Variants in SNRPD1 observed in about 807,000 individuals in gnomAD.
The protein encoded by SNRPD1 is small nuclear ribonucleoprotein D1 polypeptide.
A neutral mutation model predicts 14.4 loss-of-function variants in SNRPD1; 1 was observed. The observed-to-expected ratio is 0.07, with a 90% CI of 0.02 to 0.33. SNRPD1 has a LOEUF of 0.33. SNRPD1 is among the 10% of genes least tolerant of loss of function. The pLI, the probability that SNRPD1 is intolerant of heterozygous loss-of-function variation, is 1.00. For synonymous variants in SNRPD1, 42 were observed against 50.3 expected, an observed-to-expected ratio of 0.83 and a Z score of 0.70; for missense variants, 52 against 146.4, an observed-to-expected ratio of 0.36 and a Z score of 3.33.
chr18:21,612,702 A>G (rs1490994958), intron 1 of SNRPD1, among the ~76,000 whole-genome samples: 1 of 152,256 alleles, frequency 6.6e-6, no homozygotes, highest in Non-Finnish European at 1.5e-5. Flanking sequence ...GGCTTTAAAG[A>G]TGCAGCGCCT....
intron 2 of SNRPD1, 125 bp from the exon 3 acceptor site, chr18:21,623,623 G>A (rs1312898158): frequency 1.5e-6 from 1 of 689,440 alleles, no homozygotes; most frequent in African/African-American, 1.8e-5. Context: ...TTGTGTCATA[G>A]AAAACTTGCA....
At chr18:21,619,383 T>C (rs1257285660) in intron 1 of SNRPD1, among the ~76,000 whole-genome samples, 1 of 151,972 alleles carries the variant, frequency 6.6e-6, no homozygotes, top group Admixed American at 6.6e-5. Context: ...GGTTTCGCCA[T>C]GTTGGCCAGG....
chr18:21,621,533 T>C (rs545405503), intron 1 of SNRPD1, among the ~76,000 whole-genome samples: 1 of 152,256 alleles, frequency 6.6e-6, no homozygotes, highest in South Asian at 2.1e-4. Flanking sequence ...TCCAAGTAGC[T>C]GGGATTACAG....
rs1453303960 is a variant in SNRPD1, at chr18:21,630,460, C to T, written c.*1322C>T. On this transcript the variant is annotated 3_prime_UTR_variant, in exon 4 of 4. Transcript: ENST00000300413. ...AAGTAAAGAAATTTTCTGCAAAGAT[C>T]GTTACCTTAAAAAAGTTTAGCCTGG... 3.3e-5 allele frequency: 5 copies of T among 150,954 alleles called. No homozygotes were observed. The highest frequency in any genetic ancestry group is 7.3e-5 in the African/African-American group (3 of 41,072). The allele number at this position is 150,954 out of a possible 1,614,324, so 9.4% of individuals were successfully genotyped here. A position where few individuals can be genotyped will look rare whatever the true frequency, so the allele number is the denominator to read the frequency against.
intron 3 of SNRPD1, among the ~76,000 whole-genome samples, chr18:21,625,691 A>T (rs986480020): frequency 1.4e-4 from 21 of 152,072 alleles, no homozygotes; most frequent in African/African-American, 4.3e-4. Flanking sequence ...GCTCACTGCA[A>T]GCTCCGCTTC....
chr18:21,616,055 G>A (rs1160973513), intron 1 of SNRPD1, among the ~76,000 whole-genome samples: 2 of 152,110 alleles, frequency 1.3e-5, no homozygotes, highest in African/African-American at 4.8e-5. Context: ...GCATGATCTT[G>A]GTTCACTGCA....
intron 2 of SNRPD1, 56 bp downstream of exon 2, chr18:21,622,857 G>C: frequency 2.4e-6 from 2 of 846,254 alleles, no homozygotes; most frequent in Admixed American, 4.2e-5. Flanking sequence ...TACCTAGCCA[G>C]AGTTTATTTT....
chr18:21,616,122 A>G (rs1429503404), intron 1 of SNRPD1, among the ~76,000 whole-genome samples: 1 of 152,216 alleles, frequency 6.6e-6, no homozygotes, highest in East Asian at 1.9e-4. Flanking sequence ...AGTAGCTGGG[A>G]CTACAGGCGC....
At chr18:21,624,133 C>T (rs1477616092) in intron 3 of SNRPD1, among the ~76,000 whole-genome samples, 194 bp downstream of exon 3, 2 of 152,190 alleles carry the variant, frequency 1.3e-5, no homozygotes, top group East Asian at 3.8e-4. Flanking sequence ...ATAATCCCAG[C>T]ACTTTGGGAG....
intron 1 of SNRPD1, among the ~76,000 whole-genome samples, chr18:21,615,649 G>A (rs2038952010): frequency 6.6e-6 from 1 of 151,882 alleles, no homozygotes; most frequent in Non-Finnish European, 1.5e-5. Flanking sequence ...AAAAAGCTCC[G>A]TATTTTAAAA....
intron 3 of SNRPD1, among the ~76,000 whole-genome samples, chr18:21,625,450 G>C (rs2039030635): frequency 6.6e-6 from 1 of 150,640 alleles, no homozygotes; most frequent in Admixed American, 6.7e-5. Flanking sequence ...CCAAGTAGCT[G>C]GGATTATAGG....
chr18:21,625,594 G>T (rs1049310823), intron 3 of SNRPD1, among the ~76,000 whole-genome samples: 2 of 151,732 alleles, frequency 1.3e-5, no homozygotes, highest in African/African-American at 4.8e-5. Flanking sequence ...GGGATTACAG[G>T]CAGGAACCAC....
At chr18:21,615,032 C>T (rs1347488932) in intron 1 of SNRPD1, among the ~76,000 whole-genome samples, 1 of 151,994 alleles carries the variant, frequency 6.6e-6, no homozygotes, top group Non-Finnish European at 1.5e-5. Flanking sequence ...AAAATGTAAA[C>T]ACTTTTGTAA....
intron 3 of SNRPD1, among the ~76,000 whole-genome samples, chr18:21,625,901 G>A (rs906648494): frequency 3.0e-4 from 46 of 152,118 alleles, no homozygotes; most frequent in Non-Finnish European, 4.6e-4. Context: ...GAGCCACGGT[G>A]CCTGGCCCAA....
intron 2 of SNRPD1, 134 bp downstream of exon 2, chr18:21,622,935 T>A: frequency 1.9e-6 from 1 of 519,372 alleles, no homozygotes; most frequent in Non-Finnish European, 3.4e-6. Flanking sequence ...TGTAATTTTT[T>A]TTTTTTTTTT....
intron 1 of SNRPD1, among the ~76,000 whole-genome samples, chr18:21,619,793 A>G (rs1350844630): frequency 6.6e-6 from 1 of 151,866 alleles, no homozygotes; most frequent in Non-Finnish European, 1.5e-5. Context: ...AAAAAATAGA[A>G]TTTTAAAAAA....
chr18:21,621,167 C>CAA (rs147493654), intron 1 of SNRPD1, among the ~76,000 whole-genome samples: 56 of 146,136 alleles, frequency 3.8e-4, no homozygotes, highest in Non-Finnish European at 5.7e-4. Context: ...GACTCTGTGT[C>CAA]AAAAAAAAAA....
chr18:21,623,492 A>C (rs2039013335), intron 2 of SNRPD1, among the ~76,000 whole-genome samples: 1 of 152,226 alleles, frequency 6.6e-6, no homozygotes, highest in East Asian at 1.9e-4. Flanking sequence ...AAGCCCAGTC[A>C]GGGTTCTTCC....
chr18:21,614,592 T>A (rs2038944213), intron 1 of SNRPD1, among the ~76,000 whole-genome samples: 1 of 152,210 alleles, frequency 6.6e-6, no homozygotes, highest in South Asian at 2.1e-4. Context: ...ATTCTCACTG[T>A]CACCCTAACC....
Sources: allele counts gnomAD v4.1 joint callset (sites outside exome capture counted in the v4.1 genomes callset), GRCh38; gene constraint gnomAD v4.1.1; transcripts MANE v1.5; gene names NCBI Gene and HGNC (gene_info 2026-07-23, HGNC 2026-07-21).